Variants in GLDC observed in about 807,000 individuals in gnomAD.
GLDC encodes the protein glycine dehydrogenase (decarboxylating), mitochondrial.
Under a neutral mutation model 121.3 loss-of-function variants are expected in GLDC, and 104 were observed. The observed-to-expected ratio is 0.86, with a 90% CI of 0.73 to 1.01. The LOEUF is 1.01. Ranked by LOEUF, GLDC falls within the 50% of genes least tolerant of loss-of-function variation. GLDC has a pLI of 0.00. For synonymous variants in GLDC, 546 were observed against 480.6 expected, an observed-to-expected ratio of 1.14 and a Z score of -1.78; for missense variants, 1,429 against 1,306.6, an observed-to-expected ratio of 1.09 and a Z score of -1.44.
In GLDC at chr9:6,533,657, G is replaced by A. The variant is rs1024954143; in HGVS notation, c.2920-497C>T. 3.9e-5 allele frequency among the ~76,000 whole-genome samples: 6 copies of A among 151,906 alleles called. No homozygotes were observed. In the East Asian group the frequency reaches 5.8e-4, roughly 15 times the overall value. On this transcript the variant is annotated intron_variant, in intron 24 of 24. Coordinates refer to ENST00000321612, the MANE Select transcript of GLDC (RefSeq NM_000170.3). ...GCAGATCAGCTGAGGTCAGAGGTTC[G>A]AGACCAGCCTGATCGACATGGAGAA...
At chr9:6,586,243 C>T (rs530874894) in intron 15 of GLDC, among the ~76,000 whole-genome samples, 6 of 152,008 alleles carry the variant, frequency 3.9e-5, no homozygotes, top group South Asian at 4.2e-4. Context: ...TGCGGTGAGC[C>T]GAGATCACGC....
chr9:6,630,210 A>G lies in GLDC; in HGVS notation c.335-9891T>C, dbSNP rs1022207352. ...TGTGAACCCAGGAGGCGGAGCTTGC[A>G]GTGAGCCGAGATCGTGCCACTGCAC... On this transcript the variant is annotated intron_variant, in intron 2 of 24. Coordinates refer to ENST00000321612, the MANE Select transcript of GLDC (RefSeq NM_000170.3). Among the ~76,000 whole-genome samples the G allele has an allele frequency of 2.2e-4, 33 of 152,122 alleles. 4 individuals are homozygous for G. The highest frequency in any genetic ancestry group is 1.8e-3 in the Admixed American group (28 of 15,276).
chr9:6,555,911 A>C lies in GLDC; in HGVS notation c.2202+242T>G, dbSNP rs530888639. Among the ~76,000 whole-genome samples, 5 of 152,356 alleles carry C rather than the reference A, an allele frequency of 3.3e-5. No homozygotes were observed. In the East Asian group the frequency reaches 9.6e-4, roughly 29 times the overall value. Reference sequence around the variant, plus strand: ...GCATTTCTTCAGAGGTTCACAGTACATAGATCCTCTGTCCCCCAAGTAATC... The same window carrying C: ...GCATTTCTTCAGAGGTTCACAGTACCTAGATCCTCTGTCCCCCAAGTAATC... On this transcript the variant is annotated intron_variant, in intron 18 of 24. Coordinates refer to ENST00000321612, the MANE Select transcript of GLDC (RefSeq NM_000170.3).
chr9:6,608,608 T>C (rs544703704), intron 4 of GLDC, among the ~76,000 whole-genome samples: 2 of 147,996 alleles, frequency 1.4e-5, no homozygotes, highest in African/African-American at 2.5e-5. Context: ...TAGCCGGGCG[T>C]GGTGGCAGGC....
intron 15 of GLDC, among the ~76,000 whole-genome samples, chr9:6,578,742 A>G (rs544527679): frequency 6.6e-6 from 1 of 152,226 alleles, no homozygotes; most frequent in African/African-American, 2.4e-5. Flanking sequence ...TATGTTGCCC[A>G]GGCTAGTCTT....
intron 15 of GLDC, among the ~76,000 whole-genome samples, chr9:6,575,109 G>A (rs1336351621): frequency 3.3e-5 from 5 of 151,878 alleles, no homozygotes; most frequent in African/African-American, 7.3e-5. Context: ...GGGAGGCTGA[G>A]GCAGGAAAAT....
chr9:6,568,431 G>C (rs1293346616), intron 15 of GLDC, among the ~76,000 whole-genome samples: 1 of 152,200 alleles, frequency 6.6e-6, no homozygotes, highest in Admixed American at 6.5e-5. Context: ...CTAGGTCAGT[G>C]CTTTTCTGAC....
chr9:6,623,666 GGAAA>G (rs1328680703), intron 2 of GLDC, among the ~76,000 whole-genome samples: 4 of 152,168 alleles, frequency 2.6e-5, no homozygotes, highest in African/African-American at 4.8e-5. Flanking sequence ...AGTAGAGTAA[GGAAA>G]GAGAGTCTTG....
rs114271900 is a variant in GLDC at position 6,601,959 on chromosome 9, A to T, written c.1155+150T>A. ...ACTGTATTTTGGTTCTCATAAGACAATGAGCCTTCTACACCAATAAGATCT... is the reference window on the plus strand; with the variant it reads ...ACTGTATTTTGGTTCTCATAAGACATTGAGCCTTCTACACCAATAAGATCT... On this transcript the variant is annotated intron_variant, in intron 8 of 24. Coordinates refer to ENST00000321612, the MANE Select transcript of GLDC (RefSeq NM_000170.3). 39 of 655,584 alleles carry T rather than the reference A, an allele frequency of 5.9e-5. No individual in the cohort carries two copies. The African/African-American group carries it at 6.7e-4, about 11-fold the overall frequency. The allele number at this position is 655,584 out of a possible 1,614,324, so 40.6% of individuals were successfully genotyped here.
chr9:6,567,053 T>G (rs942105948), intron 15 of GLDC: 1 of 151,574 alleles, frequency 6.6e-6, no homozygotes, highest in African/African-American at 2.4e-5. Context: ...GGACGGAGAG[T>G]TGTGGGAGCA....
At chr9:6,631,982 C>G (rs778535872) in intron 2 of GLDC, among the ~76,000 whole-genome samples, 10 of 152,118 alleles carry the variant, frequency 6.6e-5, no homozygotes, top group African/African-American at 4.8e-5. Context: ...GTGGGAGGAT[C>G]TGTTTGGCCC....
chr9:6,617,352 C>T (rs149365273), intron 3 of GLDC, among the ~76,000 whole-genome samples: 1,525 of 152,212 alleles, frequency 0.01, 17 homozygotes, highest in African/African-American at 0.035. Context: ...AATTAACATC[C>T]GCCCACAGCC....
chr9:6,555,272 G>A (rs1342884236), intron 18 of GLDC, among the ~76,000 whole-genome samples: 4 of 152,172 alleles, frequency 2.6e-5, no homozygotes. Flanking sequence ...ACTGAGAGAG[G>A]GAAGGCAAGG....
intron 3 of GLDC, among the ~76,000 whole-genome samples, chr9:6,616,669 A>G (rs754722206): frequency 3.3e-5 from 5 of 152,358 alleles, no homozygotes; most frequent in South Asian, 2.1e-4. Context: ...TCTATGTTCC[A>G]AATGACTAAT....
At position 6,604,656 on chromosome 9, in the gene GLDC, A is replaced by C; in HGVS notation, c.990T>G (p.His330Gln). 1 of 1,614,064 alleles carries C rather than the reference A, an allele frequency of 6.2e-7. No homozygotes were observed. The highest frequency in any genetic ancestry group is 8.5e-7 in the Non-Finnish European group (1 of 1,180,024). The change falls in exon 7 of 25, where the codon CAT becomes CAG. Residue 330 changes from histidine to glutamine, a missense_variant. By Grantham distance (24) the His-to-Gln change is conservative. Coordinates refer to ENST00000321612, the MANE Select transcript of GLDC (RefSeq NM_000170.3). ...FGVPLGYGGP[H>Q]AAFFAVRESL... ...TTTCTCGGACAGCAAAAAATGCTGC[A>C]TGGGGTCCCCCATAGCCCAGTGGCA... is the stretch of plus-strand genomic sequence containing the variant.
chr9:6,616,761 A>G (rs1390801080), intron 3 of GLDC, among the ~76,000 whole-genome samples: 1 of 152,272 alleles, frequency 6.6e-6, no homozygotes, highest in East Asian at 1.9e-4. Context: ...CAGCTCAAAT[A>G]GGATGCTTGA....
intron 21 of GLDC, among the ~76,000 whole-genome samples, chr9:6,544,357 G>A (rs907072097): frequency 2.0e-5 from 3 of 152,116 alleles, no homozygotes; most frequent in Admixed American, 6.5e-5. Context: ...GGAAACCTCC[G>A]CAGGGACAGG....
At chr9:6,540,520 GA>G in intron 21 of GLDC, 1 of 250,202 alleles carries the variant, frequency 4.0e-6, no homozygotes, top group East Asian at 9.8e-5. Flanking sequence ...GTATAGTCCT[GA>G]TCCTTTTATA....
intron 4 of GLDC, among the ~76,000 whole-genome samples, chr9:6,608,614 C>T (rs1329822101): frequency 2.0e-5 from 3 of 150,286 alleles, no homozygotes; most frequent in Non-Finnish European, 4.4e-5. Context: ...GGCGTGGTGG[C>T]AGGCACCTGT....
Sources: allele counts gnomAD v4.1 joint callset (sites outside exome capture counted in the v4.1 genomes callset), GRCh38; gene constraint gnomAD v4.1.1; transcripts MANE v1.5; gene names NCBI Gene and HGNC (gene_info 2026-07-23, HGNC 2026-07-21).